The following SPOCK3 variants were observed in gnomAD, a reference collection of about 807,000 sequenced individuals.
The protein encoded by SPOCK3 is testican-3.
A neutral mutation model predicts 56.6 loss-of-function variants in SPOCK3; 30 were observed. The ratio of observed to expected loss-of-function variants is 0.53; its 90% CI spans 0.40 to 0.72. SPOCK3 has a LOEUF of 0.72. Among genes scored for constraint, SPOCK3 ranks in the 30% least tolerant of loss-of-function variants. The pLI is 0.00. For missense variants in SPOCK3, 527 were observed against 530.0 expected, an observed-to-expected ratio of 0.99 and a Z score of 0.06; for synonymous variants, 196 against 183.3, an observed-to-expected ratio of 1.07 and a Z score of -0.56.
At chr4:167,190,801 A>T (rs953427578) in intron 2 of SPOCK3, among the ~76,000 whole-genome samples, 2 of 145,754 alleles carry the variant, frequency 1.4e-5, no homozygotes, top group Non-Finnish European at 3.0e-5. Context: ...ATGATATAAG[A>T]TAAGGGTCCA....
At chr4:166,977,906 T>G (rs551091890) in intron 4 of SPOCK3, among the ~76,000 whole-genome samples, 15 of 152,310 alleles carry the variant, frequency 9.8e-5, no homozygotes, top group African/African-American at 3.6e-4. Flanking sequence ...CAACTGCATA[T>G]GCACAAAGAT....
intron 4 of SPOCK3, among the ~76,000 whole-genome samples, chr4:166,973,500 T>C (rs1029318136): frequency 6.6e-6 from 1 of 152,112 alleles, no homozygotes; most frequent in Non-Finnish European, 1.5e-5. Context: ...AAGTACTGAG[T>C]TCATTACAGG....
intron 6 of SPOCK3, among the ~76,000 whole-genome samples, chr4:166,858,125 A>G (rs1730877348): frequency 6.6e-6 from 1 of 152,198 alleles, no homozygotes; most frequent in African/African-American, 2.4e-5. Context: ...TGATAGATTT[A>G]TTTTAATAGA....
At chr4:167,153,056 T>A (rs1455667093) in intron 2 of SPOCK3, among the ~76,000 whole-genome samples, 1 of 152,206 alleles carries the variant, frequency 6.6e-6, no homozygotes, top group Non-Finnish European at 1.5e-5. Context: ...AGGTGTTTAA[T>A]TTTATTCTAA....
At chr4:166,874,054 G>A (rs1013845311) in intron 6 of SPOCK3, among the ~76,000 whole-genome samples, 2 of 152,140 alleles carry the variant, frequency 1.3e-5, no homozygotes, top group Non-Finnish European at 2.9e-5. Context: ...TTGGGAGATT[G>A]AAGTAGTGTC....
At chr4:166,897,200 A>G (rs553418341) in intron 5 of SPOCK3, among the ~76,000 whole-genome samples, 1 of 152,202 alleles carries the variant, frequency 6.6e-6, no homozygotes, top group South Asian at 2.1e-4. Flanking sequence ...TATGGCTTTT[A>G]TGTGAAAATC....
rs549069714 is a variant in SPOCK3, at chr4:166,739,188, T to C, written c.995-1584A>G. ...TAACCGGTGTGAGATGGTATCTCATTGTGGTTTTGGTTTGCATTTCTCTGA... is the reference window on the plus strand; with the variant it reads ...TAACCGGTGTGAGATGGTATCTCATCGTGGTTTTGGTTTGCATTTCTCTGA... On this transcript the variant is annotated intron_variant, in intron 9 of 10. Coordinates refer to ENST00000357545, the MANE Select transcript of SPOCK3 (RefSeq NM_001040159.2). Among the ~76,000 whole-genome samples, 183 of 152,306 alleles carry C rather than the reference T, an allele frequency of 1.2e-3. 4 individuals are homozygous for C. The South Asian group carries it at 0.037, about 30-fold the overall frequency.
intron 4 of SPOCK3, among the ~76,000 whole-genome samples, chr4:166,982,671 G>A (rs147869089): frequency 1.3e-5 from 2 of 152,252 alleles, no homozygotes; most frequent in African/African-American, 4.8e-5. Flanking sequence ...TAGAGAAAAT[G>A]CAGTTTGGAT....
chr4:166,786,756 C>G (rs937007352), intron 7 of SPOCK3, among the ~76,000 whole-genome samples: 2 of 152,270 alleles, frequency 1.3e-5, no homozygotes, highest in South Asian at 4.1e-4. Flanking sequence ...TAATCATGCT[C>G]AACAATGTTT....
chr4:166,859,543 C>G (rs571359274), intron 6 of SPOCK3, among the ~76,000 whole-genome samples: 59 of 152,204 alleles, frequency 3.9e-4, no homozygotes, highest in Admixed American at 8.5e-4. Context: ...ATATGATAAA[C>G]AGTGACTATT....
intron 4 of SPOCK3, 83 bp downstream of exon 4, chr4:167,000,266 G>A (rs575811446): frequency 3.3e-6 from 2 of 603,516 alleles, no homozygotes; most frequent in Non-Finnish European, 2.9e-6. Context: ...AGATTAGCAG[G>A]CACTGCCAAA....
At chr4:166,741,255 A>C (rs1239496944) in intron 9 of SPOCK3, among the ~76,000 whole-genome samples, 1 of 152,212 alleles carries the variant, frequency 6.6e-6, no homozygotes, top group Non-Finnish European at 1.5e-5. Context: ...GGATTATAGC[A>C]ATGCTAATTT....
chr4:167,007,148 A>C (rs1749546918), intron 3 of SPOCK3, among the ~76,000 whole-genome samples: 1 of 152,186 alleles, frequency 6.6e-6, no homozygotes, highest in Non-Finnish European at 1.5e-5. Context: ...GAGCTCAAGG[A>C]AACATTAATA....
chr4:166,830,492 C>G (rs544514682), intron 6 of SPOCK3, among the ~76,000 whole-genome samples: 52 of 152,240 alleles, frequency 3.4e-4, no homozygotes, highest in African/African-American at 1.2e-3. Flanking sequence ...CTCCTGAAAT[C>G]CTAGCACTTT....
chr4:166,921,505 C>T (rs1447836644), intron 4 of SPOCK3, among the ~76,000 whole-genome samples: 1 of 152,086 alleles, frequency 6.6e-6, no homozygotes, highest in East Asian at 1.9e-4. Flanking sequence ...TTTGTAGAGA[C>T]AGGGGTTTCA....
chr4:167,111,748 G>A (rs927517088), intron 2 of SPOCK3, among the ~76,000 whole-genome samples: 2 of 150,846 alleles, frequency 1.3e-5, no homozygotes, highest in Admixed American at 6.7e-5. Context: ...AGTGCCACTA[G>A]CTTAAAAGTA....
At chr4:167,102,907 G>T (rs1759780563) in intron 2 of SPOCK3, among the ~76,000 whole-genome samples, 1 of 125,372 alleles carries the variant, frequency 8.0e-6, no homozygotes, top group Admixed American at 9.5e-5. Context: ...CCAACACCAG[G>T]CAATATAGCT....
intron 2 of SPOCK3, among the ~76,000 whole-genome samples, chr4:167,201,008 T>A (rs1012648210): frequency 1.4e-4 from 22 of 152,046 alleles, no homozygotes; most frequent in African/African-American, 4.6e-4. Context: ...AAGCTTCTCA[T>A]CACACTTTAA....
At chr4:166,934,504 A>G (rs1347795200) in intron 4 of SPOCK3, among the ~76,000 whole-genome samples, 2 of 152,152 alleles carry the variant, frequency 1.3e-5, no homozygotes, top group Non-Finnish European at 2.9e-5. Context: ...TCTCAAAAAA[A>G]AAATGAAAGA....
Sources: allele counts gnomAD v4.1 joint callset (sites outside exome capture counted in the v4.1 genomes callset), GRCh38; gene constraint gnomAD v4.1.1; transcripts MANE v1.5; gene names NCBI Gene and HGNC (gene_info 2026-07-23, HGNC 2026-07-21).